Variants in MDFIC2 observed in about 807,000 individuals in gnomAD.
MDFIC2 encodes the protein MyoD family inhibitor domain containing 2.
At chr3:70,309,647 A>G (rs1284186352) in intron 2 of MDFIC2, among the ~76,000 whole-genome samples, 1 of 152,160 alleles carries the variant, frequency 6.6e-6, no homozygotes, top group Non-Finnish European at 1.5e-5. Context: ...GACTTTTTTA[A>G]ATATATGCCA....
chr3:70,304,271 A>G (rs1017217329), intron 2 of MDFIC2, among the ~76,000 whole-genome samples: 2 of 152,112 alleles, frequency 1.3e-5, no homozygotes, highest in Non-Finnish European at 2.9e-5. Flanking sequence ...TCTACCAGAA[A>G]TTTTATTTAA....
At chr3:70,202,119 C>T (rs558379766) in intron 3 of MDFIC2, among the ~76,000 whole-genome samples, 2 of 152,094 alleles carry the variant, frequency 1.3e-5, no homozygotes, top group Non-Finnish European at 2.9e-5. Context: ...TGGTTAGTGA[C>T]TAGTGGTCTA....
chr3:70,252,753 A>G (rs1227950608), intron 2 of MDFIC2, among the ~76,000 whole-genome samples: 1 of 152,174 alleles, frequency 6.6e-6, no homozygotes, highest in East Asian at 1.9e-4. Flanking sequence ...TGGATACATC[A>G]GTGAACAAAA....
intron 2 of MDFIC2, among the ~76,000 whole-genome samples, chr3:70,288,751 G>A (rs1342170427): frequency 1.3e-5 from 2 of 151,696 alleles, no homozygotes; most frequent in African/African-American, 4.9e-5. Flanking sequence ...TCCTGTGTTG[G>A]GTGCATATAT....
intron 2 of MDFIC2, among the ~76,000 whole-genome samples, chr3:70,230,138 C>T (rs1701544122): frequency 6.6e-6 from 1 of 152,084 alleles, no homozygotes; most frequent in Admixed American, 6.6e-5. Context: ...AATGGTCAGG[C>T]CGAAATTGAA....
chr3:70,293,186 A>G (rs933976685), intron 2 of MDFIC2, among the ~76,000 whole-genome samples: 5 of 151,992 alleles, frequency 3.3e-5, no homozygotes, highest in African/African-American at 1.2e-4. Context: ...ATTCCTTAAT[A>G]CTTTCTGTCA....
intron 2 of MDFIC2, among the ~76,000 whole-genome samples, chr3:70,251,063 A>C (rs1439970670): frequency 2.6e-5 from 4 of 152,230 alleles, no homozygotes; most frequent in Non-Finnish European, 4.4e-5. Flanking sequence ...TACACGGTTG[A>C]ATCGTATTCA....
intron 2 of MDFIC2, among the ~76,000 whole-genome samples, chr3:70,244,201 A>T (rs1701684699): frequency 6.6e-6 from 1 of 152,166 alleles, no homozygotes; most frequent in Admixed American, 6.5e-5. Context: ...CAATTTTAAC[A>T]AGATGCTTCC....
chr3:70,210,790 A>AC (rs1253649412), intron 2 of MDFIC2, among the ~76,000 whole-genome samples: 1 of 151,750 alleles, frequency 6.6e-6, no homozygotes, highest in African/African-American at 2.4e-5. Flanking sequence ...CTTGGAAAAA[A>AC]ATTAAAGTGA....
intron 2 of MDFIC2, among the ~76,000 whole-genome samples, chr3:70,253,737 A>G (rs1701790353): frequency 6.6e-6 from 1 of 152,180 alleles, no homozygotes; most frequent in South Asian, 2.1e-4. Context: ...AAAAGTAAAA[A>G]TACAAATAAA....
chr3:70,286,176 C>T, intron 2 of MDFIC2, among the ~76,000 whole-genome samples: 1 of 152,134 alleles, frequency 6.6e-6, no homozygotes, highest in Admixed American at 6.6e-5. Context: ...TTCTTCTAGG[C>T]TTTTTATGGT....
intron 2 of MDFIC2, among the ~76,000 whole-genome samples, chr3:70,268,119 G>A (rs1272976552): frequency 6.6e-6 from 1 of 151,958 alleles, no homozygotes; most frequent in South Asian, 2.1e-4. Context: ...AAATTGGGCA[G>A]AAGGTGCAGA....
At chr3:70,309,815 T>G (rs1335855680) in intron 2 of MDFIC2, among the ~76,000 whole-genome samples, 1 of 152,186 alleles carries the variant, frequency 6.6e-6, no homozygotes, top group East Asian at 1.9e-4. Flanking sequence ...TTAAATGAAG[T>G]GTCCAAATGA....
chr3:70,290,937 C>A (rs6766949), intron 2 of MDFIC2, among the ~76,000 whole-genome samples: 31,359 of 152,008 alleles, frequency 0.21, 3,414 homozygotes, highest in South Asian at 0.28. Flanking sequence ...GTGCGCGCAC[C>A]CACTGACCTG....
chr3:70,302,638 G>A (rs1201984614), intron 2 of MDFIC2: 1 of 152,120 alleles, frequency 6.6e-6, no homozygotes, highest in Non-Finnish European at 1.5e-5. Context: ...TTGGTTCCTG[G>A]TCTCTACAGA....
chr3:70,301,035 C>A (rs1702343591), intron 2 of MDFIC2, among the ~76,000 whole-genome samples: 1 of 151,998 alleles, frequency 6.6e-6, no homozygotes, highest in South Asian at 2.1e-4. Context: ...TACCTCCGCT[C>A]TTTATGTTAT....
intron 2 of MDFIC2, among the ~76,000 whole-genome samples, chr3:70,299,478 G>A (rs1260365510): frequency 1.3e-5 from 2 of 151,980 alleles, no homozygotes; most frequent in Non-Finnish European, 2.9e-5. Flanking sequence ...TACCCCTAGA[G>A]ACATATTAAA....
At chr3:70,286,951 T>C (rs1352431617) in intron 2 of MDFIC2, among the ~76,000 whole-genome samples, 1 of 151,294 alleles carries the variant, frequency 6.6e-6, no homozygotes, top group African/African-American at 2.4e-5. Context: ...CTTAAGGAGA[T>C]TTTGGGCTGA....
intron 3 of MDFIC2, among the ~76,000 whole-genome samples, chr3:70,200,017 G>A (rs1056904307): frequency 5.3e-5 from 8 of 151,998 alleles, no homozygotes; most frequent in African/African-American, 1.7e-4. Flanking sequence ...AGATGAATTC[G>A]GCAGAAACCT....
Sources: gnomAD v4.1 joint callset for allele counts (sites outside exome capture counted in the v4.1 genomes callset) on GRCh38, gnomAD v4.1.1 for gene constraint, MANE v1.5 for transcripts, NCBI Gene and HGNC (gene_info 2026-07-23, HGNC 2026-07-21) for gene names.